Variants in VSTM4 observed in about 807,000 individuals in gnomAD.
VSTM4 encodes V-set and transmembrane domain containing 4.
A neutral mutation model predicts 36.4 loss-of-function variants in VSTM4; 20 were observed. The observed-to-expected ratio is 0.55, with a 90% CI of 0.39 to 0.80. The LOEUF (loss-of-function observed/expected upper bound fraction) is 0.80, where lower values mean the gene tolerates loss of function less well. Ranked by LOEUF, VSTM4 falls within the 30% of genes least tolerant of loss-of-function variation. The pLI is 0.00. For missense variants in VSTM4, 392 were observed against 404.5 expected (o/e 0.97, Z 0.26); for synonymous variants, 182 against 173.9 (o/e 1.05, Z -0.37).
chr10:49,106,610 C>A (rs1198786273), intron 2 of VSTM4, among the ~76,000 whole-genome samples: 1 of 152,210 alleles, frequency 6.6e-6, no homozygotes, highest in African/African-American at 2.4e-5. Flanking sequence ...GGATCAGTTC[C>A]ACTGGGCAAC....
chr10:49,018,145 T>G lies in VSTM4; in HGVS notation c.*1505A>C, dbSNP rs559231694. On this transcript the variant is annotated 3_prime_UTR_variant, in exon 8 of 8. Transcript: ENST00000332853. ...TCATGAGTCTTTGGGAACATTACTG[T>G]AGGGCTAAGTTGGTGGACAAATATT... 6 of 152,352 alleles carry G rather than the reference T, an allele frequency of 3.9e-5. No individual in the cohort carries two copies. The highest frequency in any genetic ancestry group is 8.8e-5 in the Non-Finnish European group (6 of 68,028). The allele number at this position is 152,352 out of a possible 1,614,324, so 9.4% of individuals were successfully genotyped here.
At position 49,020,221 on chromosome 10, in the gene VSTM4, C is replaced by T. The variant is rs540967162; in HGVS notation, c.838-446G>A. 5.9e-5 allele frequency among the ~76,000 whole-genome samples: 9 copies of T among 152,264 alleles called. No homozygotes were observed. In the East Asian group the frequency reaches 1.7e-3, roughly 29 times the overall value. ...ATGACTTAGTATAAAACTATAATTTCAAAATATCTTGAAAATAATGCTAAG... is the reference window on the plus strand; with the variant it reads ...ATGACTTAGTATAAAACTATAATTTTAAAATATCTTGAAAATAATGCTAAG... On this transcript the variant is annotated intron_variant, in intron 7 of 7. Transcript: ENST00000332853.
At chr10:49,102,839 T>A in intron 2 of VSTM4, 1 of 721,172 alleles carries the variant, frequency 1.4e-6, no homozygotes. Flanking sequence ...ATTGTTATCA[T>A]CATCATCCTC....
chr10:49,044,285 A>G (rs1164839670), intron 7 of VSTM4, among the ~76,000 whole-genome samples: 1 of 151,998 alleles, frequency 6.6e-6, no homozygotes, highest in East Asian at 1.9e-4. Context: ...CCGAGGTAGT[A>G]CCACTGCATT....
At chr10:49,096,542 G>T (rs949164587) in intron 2 of VSTM4, among the ~76,000 whole-genome samples, 1 of 151,714 alleles carries the variant, frequency 6.6e-6, no homozygotes, top group Non-Finnish European at 1.5e-5. Context: ...CTAAAAGCAG[G>T]AAGATTTATT....
intron 7 of VSTM4, among the ~76,000 whole-genome samples, chr10:49,045,159 T>C (rs1721263343): frequency 6.6e-6 from 1 of 152,142 alleles, no homozygotes; most frequent in Non-Finnish European, 1.5e-5. Flanking sequence ...CCCTCAAGAT[T>C]GTCTTGGCAT....
At chr10:49,102,694 A>T (rs1420455817) in intron 2 of VSTM4, 1 of 985,222 alleles carries the variant, frequency 1.0e-6, no homozygotes, top group Non-Finnish European at 1.2e-6. Context: ...GAGGGTGACT[A>T]CATCCACCAA....
chr10:49,084,535 G>C (rs1208198999), intron 3 of VSTM4, among the ~76,000 whole-genome samples: 1 of 152,208 alleles, frequency 6.6e-6, no homozygotes, highest in Non-Finnish European at 1.5e-5. Context: ...TTGAAAGCAA[G>C]TACTTGCTCC....
chr10:49,068,026 T>C (rs562593242), intron 4 of VSTM4, among the ~76,000 whole-genome samples: 2 of 152,350 alleles, frequency 1.3e-5, no homozygotes, highest in African/African-American at 4.8e-5. Context: ...GTTATGTTTT[T>C]TTCATCAGTA....
At chr10:49,028,444 C>A (rs1356393162) in intron 7 of VSTM4, among the ~76,000 whole-genome samples, 4 of 152,184 alleles carry the variant, frequency 2.6e-5, no homozygotes, top group African/African-American at 9.7e-5. Context: ...CCTTTTCCCC[C>A]AGTTTGAGGG....
chr10:49,112,714 C>A (rs1294064504), intron 1 of VSTM4, among the ~76,000 whole-genome samples: 2 of 152,190 alleles, frequency 1.3e-5, no homozygotes, highest in Non-Finnish European at 2.9e-5. Context: ...TCTGCTGTTG[C>A]TATCTTGAAA....
intron 2 of VSTM4, among the ~76,000 whole-genome samples, chr10:49,098,738 T>G (rs1204846715): frequency 6.6e-6 from 1 of 152,202 alleles, no homozygotes; most frequent in Non-Finnish European, 1.5e-5. Flanking sequence ...GACCCTGCGG[T>G]GTGTTCCCAC....
intron 4 of VSTM4, among the ~76,000 whole-genome samples, chr10:49,070,959 A>T (rs1165261294): frequency 2.0e-5 from 3 of 152,166 alleles, no homozygotes; most frequent in African/African-American, 7.2e-5. Context: ...TCCCCACCCG[A>T]GTCTGGCTGT....
chr10:49,066,983 A>C (rs1415096662), intron 4 of VSTM4, among the ~76,000 whole-genome samples: 1 of 152,208 alleles, frequency 6.6e-6, no homozygotes, highest in Non-Finnish European at 1.5e-5. Context: ...CAAGGAGAAG[A>C]AGGAACAATA....
intron 3 of VSTM4, among the ~76,000 whole-genome samples, chr10:49,081,033 G>C (rs568256344): frequency 6.6e-6 from 1 of 152,188 alleles, no homozygotes; most frequent in African/African-American, 2.4e-5. Flanking sequence ...TCAGCAACAG[G>C]ACTCTTGGAT....
chr10:49,046,586 T>G (rs1441364102), intron 7 of VSTM4, among the ~76,000 whole-genome samples: 2 of 152,244 alleles, frequency 1.3e-5, no homozygotes, highest in Non-Finnish European at 2.9e-5. Context: ...TGTGCCAGCT[T>G]TACAACTTTT....
chr10:49,105,807 A>C (rs76049402), intron 2 of VSTM4, among the ~76,000 whole-genome samples: 1,661 of 152,006 alleles, frequency 0.011, 23 homozygotes, highest in African/African-American at 0.038. Flanking sequence ...AAAACAACAC[A>C]ATTCACACAT....
chr10:49,083,028 G>GT (rs1440957732), intron 3 of VSTM4, among the ~76,000 whole-genome samples: 1 of 152,218 alleles, frequency 6.6e-6, no homozygotes, highest in Admixed American at 6.5e-5. Context: ...CCCAGCAGGG[G>GT]TATATTCAGT....
intron 5 of VSTM4, among the ~76,000 whole-genome samples, chr10:49,059,008 G>A (rs914524577): frequency 6.6e-6 from 1 of 152,264 alleles, no homozygotes; most frequent in Non-Finnish European, 1.5e-5. Context: ...GCACAACAGG[G>A]ACGGGAGGAA....
Sources: allele counts gnomAD v4.1 joint callset (sites outside exome capture counted in the v4.1 genomes callset), GRCh38; gene constraint gnomAD v4.1.1; transcripts MANE v1.5; gene names NCBI Gene and HGNC (gene_info 2026-07-23, HGNC 2026-07-21).